SNTB2: variants seen among roughly 807,000 people sequenced by gnomAD.
SNTB2 encodes the protein beta-2-syntrophin.
A neutral mutation model predicts 46.2 loss-of-function variants in SNTB2; 34 were observed. The observed-to-expected ratio is 0.74, with a 90% confidence interval of 0.56 to 0.98. SNTB2 has a LOEUF of 0.98. Among genes scored for constraint, SNTB2 ranks in the 50% least tolerant of loss-of-function variants. The pLI, the probability that SNTB2 is intolerant of heterozygous loss-of-function variation, is 0.00. For synonymous variants in SNTB2, 290 were observed against 312.6 expected (o/e 0.93, Z 0.76); for missense variants, 603 against 731.4 (o/e 0.82, Z 2.02).
chr16:69,202,168 C>T (rs929308655), intron 1 of SNTB2, among the ~76,000 whole-genome samples: 2 of 152,134 alleles, frequency 1.3e-5, no homozygotes, highest in African/African-American at 2.4e-5. Context: ...AATGAAGGGG[C>T]TAGAGTTTCT....
intron 3 of SNTB2, 94 bp downstream of exon 3, chr16:69,260,354 T>G: frequency 8.8e-7 from 1 of 1,133,074 alleles, no homozygotes; most frequent in Non-Finnish European, 1.3e-6. Context: ...ACCATGCAGT[T>G]AGGACCTGGA....
intron 1 of SNTB2, among the ~76,000 whole-genome samples, chr16:69,220,358 T>C (rs1361896062): frequency 6.6e-6 from 1 of 151,216 alleles, no homozygotes; most frequent in East Asian, 2.0e-4. Flanking sequence ...AGACGGGGTT[T>C]CATCATGTTA....
chr16:69,278,777 C>G (rs1965006339), intron 4 of SNTB2, among the ~76,000 whole-genome samples: 1 of 152,124 alleles, frequency 6.6e-6, no homozygotes, highest in Non-Finnish European at 1.5e-5. Context: ...CTTATGTATT[C>G]CCTAAGAAGC....
chr16:69,245,536 CTTTAGTTATCA>C, intron 1 of SNTB2, 55 bp from the exon 2 acceptor site: 1 of 1,449,834 alleles, frequency 6.9e-7, no homozygotes, highest in East Asian at 2.3e-5. Flanking sequence ...TATGTGAATA[CTTTAGTTATCA>C]TTTATTATAG....
intron 4 of SNTB2, among the ~76,000 whole-genome samples, chr16:69,276,456 GT>G (rs1450772613): frequency 2.0e-5 from 3 of 152,180 alleles, no homozygotes; most frequent in Non-Finnish European, 4.4e-5. Flanking sequence ...TAGACTTTAC[GT>G]TTTTTAATGT....
chr16:69,218,863 A>G (rs1964373858), intron 1 of SNTB2, among the ~76,000 whole-genome samples: 1 of 152,242 alleles, frequency 6.6e-6, no homozygotes, highest in Non-Finnish European at 1.5e-5. Flanking sequence ...AACTCCAGAC[A>G]TCTTATCCAA....
intron 1 of SNTB2, among the ~76,000 whole-genome samples, chr16:69,207,125 A>G (rs937444344): frequency 7.1e-6 from 1 of 140,424 alleles, no homozygotes; most frequent in African/African-American, 2.6e-5. Context: ...TAAAGTATAG[A>G]TTTTCCTTTT....
chr16:69,236,690 C>A (rs1283388650), intron 1 of SNTB2, among the ~76,000 whole-genome samples: 1 of 143,948 alleles, frequency 6.9e-6, no homozygotes, highest in Non-Finnish European at 1.5e-5. Flanking sequence ...AAAAAAAAAG[C>A]AGCAGCAGCA....
chr16:69,308,604 A>G lies in SNTB2; in HGVS notation c.*7680A>G, dbSNP rs1292589368. The G allele has an allele frequency of 6.6e-6, 1 of 152,190 alleles. No individual in the cohort carries two copies. Among genetic ancestry groups the G allele is most frequent in the Non-Finnish European group, 1.5e-5 (1 of 68,020 alleles). The allele number at this position is 152,190 out of a possible 1,614,324, so 9.4% of individuals were successfully genotyped here. A position where few individuals can be genotyped will look rare whatever the true frequency, so the allele number is the denominator to read the frequency against. ...TACCTATTGAAGGCCTGTTTTGGCT[A>G]ATCTGTGCAAACTCTGATGATACCT... On this transcript the variant is annotated 3_prime_UTR_variant, in exon 7 of 7. Coordinates refer to ENST00000336278, the MANE Select transcript of SNTB2 (RefSeq NM_006750.4).
At chr16:69,217,972 C>G (rs1346802095) in intron 1 of SNTB2, among the ~76,000 whole-genome samples, 1 of 152,144 alleles carries the variant, frequency 6.6e-6, no homozygotes, top group African/African-American at 2.4e-5. Flanking sequence ...TCTTTGTGCA[C>G]AGGACACTTT....
At chr16:69,282,915 C>A (rs1965063929) in intron 4 of SNTB2, among the ~76,000 whole-genome samples, 1 of 152,118 alleles carries the variant, frequency 6.6e-6, no homozygotes, top group Admixed American at 6.6e-5. Flanking sequence ...GTATATTAAT[C>A]TTATATCCTG....
At chr16:69,236,599 CTT>C (rs1451049656) in intron 1 of SNTB2, among the ~76,000 whole-genome samples, 1 of 151,350 alleles carries the variant, frequency 6.6e-6, no homozygotes, top group Non-Finnish European at 1.5e-5. Flanking sequence ...AATGTGAATA[CTT>C]AATGCACTGA....
At chr16:69,236,104 T>G (rs1964557308) in intron 1 of SNTB2, among the ~76,000 whole-genome samples, 1 of 152,212 alleles carries the variant, frequency 6.6e-6, no homozygotes, top group East Asian at 1.9e-4. Flanking sequence ...AGTAGTTTAC[T>G]GGGTTGTGGT....
chr16:69,215,768 A>G lies in SNTB2; in HGVS notation c.580+28022A>G, dbSNP rs577805484. On this transcript the variant is annotated intron_variant, in intron 1 of 6. Transcript: ENST00000336278. ...TCTCATTAACCCTCACAGCAGTTCT[A>G]TTGCATGCATAGATCAGATACAGAA... 1.6e-4 allele frequency among the ~76,000 whole-genome samples: 25 copies of G among 152,222 alleles called. No homozygotes were observed. In the South Asian group the frequency reaches 1.9e-3, roughly 11 times the overall value.
chr16:69,262,686 T>A (rs1340584048), intron 3 of SNTB2, among the ~76,000 whole-genome samples: 1 of 151,578 alleles, frequency 6.6e-6, no homozygotes, highest in Admixed American at 6.6e-5. Context: ...AATATACAAT[T>A]TTTTTTTTGA....
intron 1 of SNTB2, among the ~76,000 whole-genome samples, chr16:69,244,491 C>T (rs1056396762): frequency 6.6e-6 from 1 of 152,180 alleles, no homozygotes; most frequent in Non-Finnish European, 1.5e-5. Flanking sequence ...TACCTATTCA[C>T]AGGAGAAACT....
intron 4 of SNTB2, among the ~76,000 whole-genome samples, chr16:69,280,458 C>T (rs1260338558): frequency 6.8e-6 from 1 of 147,064 alleles, no homozygotes; most frequent in East Asian, 2.1e-4. Context: ...GCGCCCCTCA[C>T]CTCCCGGACG....
At chr16:69,258,650 C>T (rs1299050605) in intron 2 of SNTB2, among the ~76,000 whole-genome samples, 11 of 120,862 alleles carry the variant, frequency 9.1e-5, no homozygotes, top group Non-Finnish European at 1.4e-4. Flanking sequence ...CTCGCTTTGT[C>T]GCCCAGGCTG....
intron 1 of SNTB2, among the ~76,000 whole-genome samples, chr16:69,245,090 G>A (rs1470381762): frequency 1.3e-5 from 2 of 152,208 alleles, no homozygotes; most frequent in African/African-American, 4.8e-5. Context: ...GTATGGAGAA[G>A]TTTCTAAAGG....
Sources: allele counts gnomAD v4.1 joint callset (sites outside exome capture counted in the v4.1 genomes callset), GRCh38; gene constraint gnomAD v4.1.1; transcripts MANE v1.5; gene names NCBI Gene and HGNC (gene_info 2026-07-23, HGNC 2026-07-21).